SDHC: variants seen among roughly 807,000 people sequenced by gnomAD.
SDHC encodes succinate dehydrogenase cytochrome b560 subunit, mitochondrial.
In SDHC, 11 loss-of-function variants were observed where a neutral mutation model predicts 22.6. That is an observed-to-expected ratio of 0.49 (90% confidence interval 0.31 to 0.81). The LOEUF is 0.81. Among genes scored for constraint, SDHC ranks in the 30% least tolerant of loss-of-function variants. The pLI is 0.05. For missense variants in SDHC, 160 were observed against 212.0 expected (o/e 0.75, Z 1.52); for synonymous variants, 80 against 77.8 (o/e 1.03, Z -0.15).
chr1:161,334,953 AG>A (rs1170439619), intron 3 of SDHC, among the ~76,000 whole-genome samples: 1 of 152,232 alleles, frequency 6.6e-6, no homozygotes, highest in East Asian at 1.9e-4. Context: ...TCTAAACCGT[AG>A]GTCCCATTCA....
chr1:161,356,308 G>C (rs1410149707), intron 4 of SDHC, among the ~76,000 whole-genome samples: 1 of 152,074 alleles, frequency 6.6e-6, no homozygotes, highest in African/African-American at 2.4e-5. Flanking sequence ...GGAGGCAAAG[G>C]TGGGCAGATC....
At chr1:161,359,956 G>A (rs1672439377) in intron 5 of SDHC, among the ~76,000 whole-genome samples, 1 of 151,970 alleles carries the variant, frequency 6.6e-6, no homozygotes. Flanking sequence ...ACTCTTTGTG[G>A]AATCTGCTTG....
At position 161,332,037 on chromosome 1, in the gene SDHC, G is replaced by A. The variant is rs1287390224; in HGVS notation, c.179+3540G>A. 2.0e-5 allele frequency among the ~76,000 whole-genome samples: 3 copies of A among 151,990 alleles called. No individual in the cohort carries two copies. In the East Asian group the frequency reaches 5.8e-4, roughly 29 times the overall value. ...CCACCCAGGCTGGAGTGTAGTAGTG[G>A]TGTGATCATAGCTCGTTGTAACCTT... On this transcript the variant is annotated intron_variant, in intron 3 of 5. Coordinates refer to ENST00000367975, the MANE Select transcript of SDHC (RefSeq NM_003001.5).
At chr1:161,341,870 C>T (rs923845877) in intron 4 of SDHC, among the ~76,000 whole-genome samples, 5 of 152,026 alleles carry the variant, frequency 3.3e-5, no homozygotes, top group African/African-American at 7.3e-5. Context: ...AGGGCTTAGA[C>T]TGCATCTGTC....
At chr1:161,325,288 C>G (rs1422580913) in intron 2 of SDHC, among the ~76,000 whole-genome samples, 2 of 146,348 alleles carry the variant, frequency 1.4e-5, no homozygotes, top group African/African-American at 5.1e-5. Flanking sequence ...CAGGAGGATC[C>G]CTTGAGCCCA....
intron 3 of SDHC, among the ~76,000 whole-genome samples, chr1:161,338,346 T>C (rs901201049): frequency 1.3e-5 from 2 of 152,236 alleles, no homozygotes; most frequent in African/African-American, 2.4e-5. Context: ...CAGAATTTTC[T>C]TTTGAGATCT....
chr1:161,323,600 C>G lies in SDHC; in HGVS notation c.21-14C>G. ...TCTAAATGTGTATTGATTTTTGATT[C>G]TCTTATCTTGCAGACACGTTGGTCG... On this transcript the variant is annotated splice_polypyrimidine_tract_variant and intron_variant, in intron 1 of 5. Transcript: ENST00000367975. 1 of 1,610,444 alleles carries G rather than the reference C, an allele frequency of 6.2e-7. No homozygotes were observed. Among genetic ancestry groups the G allele is most frequent in the South Asian group, 1.1e-5 (1 of 90,994 alleles).
intron 1 of SDHC, among the ~76,000 whole-genome samples, chr1:161,322,583 TTGAGACAAGGTCTAGCCC>T (rs1208587095): frequency 6.6e-6 from 1 of 151,866 alleles, no homozygotes; most frequent in African/African-American, 2.4e-5. Flanking sequence ...TTTTTTTTTT[TTGAGACAAGGTCTAGCCC>T]TGTCACCCAG....
Position 161,350,330 on chromosome 1 carries a change from C to T in SDHC, c.242-6347C>T, listed in dbSNP as rs115966128. Among the ~76,000 whole-genome samples the T allele has an allele frequency of 6.2e-3, 949 of 152,318 alleles. 8 individuals carry two copies. The highest frequency in any genetic ancestry group is 0.02 in the African/African-American group (827 of 41,564). ...CCTCCCAAAGTGCTGGGATTACAGGCGTGAGCCACCATGCTCAGCCTGGAT... is the reference window on the plus strand; with the variant it reads ...CCTCCCAAAGTGCTGGGATTACAGGTGTGAGCCACCATGCTCAGCCTGGAT... On this transcript the variant is annotated intron_variant, in intron 4 of 5. Coordinates refer to ENST00000367975, the MANE Select transcript of SDHC (RefSeq NM_003001.5).
At chr1:161,332,353 G>A (rs989836207) in intron 3 of SDHC, among the ~76,000 whole-genome samples, 2 of 152,066 alleles carry the variant, frequency 1.3e-5, no homozygotes, top group African/African-American at 2.4e-5. Context: ...AAGAAATCAG[G>A]TTGCCACTTC....
chr1:161,359,821 G>T (rs1185749213), intron 5 of SDHC, among the ~76,000 whole-genome samples: 19 of 152,118 alleles, frequency 1.2e-4, no homozygotes, highest in Admixed American at 1.2e-3. Context: ...GATCTAATGG[G>T]GGAGTGAGGA....
At chr1:161,347,713 A>C (rs1671950515) in intron 4 of SDHC, among the ~76,000 whole-genome samples, 1 of 151,996 alleles carries the variant, frequency 6.6e-6, no homozygotes, top group African/African-American at 2.4e-5. Context: ...TAAAAATACA[A>C]AAATTAGCTG....
chr1:161,315,843 G>A lies in SDHC; in HGVS notation c.20+1418G>A, dbSNP rs117523661. Among the ~76,000 whole-genome samples the A allele has an allele frequency of 5.0e-3, 754 of 152,236 alleles. 17 individuals carry two copies. The South Asian group carries it at 0.055, about 11-fold the overall frequency. On this transcript the variant is annotated intron_variant, in intron 1 of 5. Transcript: ENST00000367975. ...CCAGGGAACCGGCGTTCAGCATACAGAGGATCCCCGCCGGCCTCTGAGTTC... is the reference window on the plus strand; with the variant it reads ...CCAGGGAACCGGCGTTCAGCATACAAAGGATCCCCGCCGGCCTCTGAGTTC...
intron 5 of SDHC, among the ~76,000 whole-genome samples, chr1:161,357,070 A>G (rs1672308641): frequency 6.6e-6 from 1 of 151,460 alleles, no homozygotes; most frequent in African/African-American, 2.4e-5. Flanking sequence ...AGTTGGCGTT[A>G]TAGACGCATG....
chr1:161,354,919 A>G (rs1161352114), intron 4 of SDHC, among the ~76,000 whole-genome samples: 1 of 152,142 alleles, frequency 6.6e-6, no homozygotes, highest in Non-Finnish European at 1.5e-5. Context: ...CATGTTGCCC[A>G]GGCTGGTCTT....
In SDHC at chr1:161,332,859, C is replaced by T. The variant is rs563069407; in HGVS notation, c.179+4362C>T. On this transcript the variant is annotated intron_variant, in intron 3 of 5. Coordinates refer to ENST00000367975, the MANE Select transcript of SDHC (RefSeq NM_003001.5). ...TGTTGGCCAGGCTGGTCTTGAACTC[C>T]TGACCTCAGGTGATCTGCCTGCCTT... Among the ~76,000 whole-genome samples, 20 of 152,214 alleles carry T rather than the reference C, an allele frequency of 1.3e-4. No homozygotes were observed. In the South Asian group the frequency reaches 4.2e-3, roughly 32 times the overall value.
chr1:161,327,514 A>C (rs1360897558), intron 2 of SDHC, among the ~76,000 whole-genome samples: 1 of 152,170 alleles, frequency 6.6e-6, no homozygotes, highest in Non-Finnish European at 1.5e-5. Flanking sequence ...GTGGGTTGTC[A>C]CTGGCAAGGA....
intron 3 of SDHC, among the ~76,000 whole-genome samples, chr1:161,330,375 C>T (rs1290968761): frequency 1.3e-5 from 2 of 152,140 alleles, no homozygotes; most frequent in Non-Finnish European, 2.9e-5. Context: ...CATAGGATAA[C>T]AACTGTAGAC....
intron 1 of SDHC, among the ~76,000 whole-genome samples, chr1:161,316,455 A>G (rs1228645631): frequency 6.6e-6 from 1 of 152,232 alleles, no homozygotes; most frequent in Non-Finnish European, 1.5e-5. Flanking sequence ...CATCTTGCAC[A>G]GCCCTTAATC....
Sources: allele counts gnomAD v4.1 joint callset (sites outside exome capture counted in the v4.1 genomes callset), GRCh38; gene constraint gnomAD v4.1.1; transcripts MANE v1.5; gene names NCBI Gene and HGNC (gene_info 2026-07-23, HGNC 2026-07-21).